The following RANBP2 variants were observed in gnomAD, a reference collection of about 807,000 sequenced individuals.
RANBP2 encodes the protein E3 SUMO-protein ligase RanBP2.
In RANBP2, 57 loss-of-function variants were observed where a neutral mutation model predicts 303.6. The ratio of observed to expected loss-of-function variants is 0.19; its 90% CI spans 0.15 to 0.23. The LOEUF is 0.23. Ranked by LOEUF, RANBP2 falls within the 10% of genes least tolerant of loss-of-function variation. RANBP2 has a pLI of 1.00. For synonymous variants in RANBP2, 1,167 were observed against 1,301.5 expected (o/e 0.90, Z 2.23); for missense variants, 3,138 against 3,780.8 (o/e 0.83, Z 4.46).
At chr2:109,435,386 T>C in the RANBP2 span, among the ~76,000 whole-genome samples, 627 of 152,346 alleles carry the variant, frequency 4.1e-3, 2 homozygotes, top group Non-Finnish European at 6.8e-3. Context: ...GCAGAAGGCT[T>C]ATCTGGCAGT....
At chr2:108,813,765 A>G in the RANBP2 span, among the ~76,000 whole-genome samples, 1 of 152,200 alleles carries the variant, frequency 6.6e-6, no homozygotes, top group African/African-American at 2.4e-5. Flanking sequence ...CCACTATCCT[A>G]GAAAGTTCTC....
chr2:108,908,967 GT>G, the RANBP2 span, among the ~76,000 whole-genome samples: 1 of 152,070 alleles, frequency 6.6e-6, no homozygotes, highest in Non-Finnish European at 1.5e-5. Context: ...ACCCATCCCT[GT>G]CCCCACTCGA....
At chr2:109,431,533 C>A in the RANBP2 span, among the ~76,000 whole-genome samples, 5 of 152,286 alleles carry the variant, frequency 3.3e-5, no homozygotes, top group Admixed American at 3.3e-4. Context: ...AGAGGCACAG[C>A]ATCTAAACCC....
chr2:109,072,408 A>C, the RANBP2 span, among the ~76,000 whole-genome samples: 76 of 152,252 alleles, frequency 5.0e-4, no homozygotes, highest in African/African-American at 1.8e-3. Context: ...CTCACCATGG[A>C]GTCCTGGATA....
chr2:109,454,580 G>C, the RANBP2 span, among the ~76,000 whole-genome samples: 3 of 152,178 alleles, frequency 2.0e-5, no homozygotes, highest in African/African-American at 4.8e-5. Flanking sequence ...GTTCCCCAAG[G>C]CTCTGGCCTG....
the RANBP2 span, among the ~76,000 whole-genome samples, chr2:109,103,258 T>C: frequency 6.6e-6 from 1 of 152,158 alleles, no homozygotes; most frequent in African/African-American, 2.4e-5. Context: ...CTCTGTAAAA[T>C]ATTTAAGGAG....
chr2:108,875,319 TAAA>T, the RANBP2 span, among the ~76,000 whole-genome samples: 84,863 of 118,500 alleles, frequency 0.72, 28,509 homozygotes, highest in Non-Finnish European at 0.78. Context: ...TAAAGTATAA[TAAA>T]AAAAAAAAAA....
At chr2:108,939,832 C>G in the RANBP2 span, among the ~76,000 whole-genome samples, 1 of 152,210 alleles carries the variant, frequency 6.6e-6, no homozygotes, top group Admixed American at 6.5e-5. Context: ...TACTTTCAGC[C>G]TGCCCTGCCT....
In RANBP2 at chr2:108,719,506, C is replaced by T. The variant is rs1342317863; in HGVS notation, c.-101C>T. 4 of 1,528,606 alleles carry T rather than the reference C, an allele frequency of 2.6e-6. No individual in the cohort carries two copies. Among genetic ancestry groups the T allele is most frequent in the South Asian group, 1.2e-5 (1 of 83,524 alleles). 94.7% of individuals were successfully genotyped at this position (1,528,606 alleles called of 1,614,324 possible). A position where few individuals can be genotyped will look rare whatever the true frequency, so the allele number is the denominator to read the frequency against. On this transcript the variant is annotated 5_prime_UTR_variant, in exon 1 of 29. Coordinates refer to ENST00000283195, the MANE Select transcript of RANBP2 (RefSeq NM_006267.5). The stretch of plus-strand genomic sequence containing the variant: ...CACAGTGGTCCTCCGCCGGCTACGG[C>T]GCTGCGTCACTGGTTTGCAGGCGCT...
intron 26 of RANBP2, among the ~76,000 whole-genome samples, chr2:108,781,754 A>C (rs1678270940): frequency 6.6e-6 from 1 of 152,150 alleles, no homozygotes; most frequent in Admixed American, 6.5e-5. Context: ...ATAAATGTTA[A>C]CCTTGTATGT....
the RANBP2 span, among the ~76,000 whole-genome samples, chr2:108,861,840 A>T: frequency 6.6e-6 from 1 of 151,998 alleles, no homozygotes; most frequent in Non-Finnish European, 1.5e-5. Context: ...CCCAGCCTAA[A>T]CTTTCTTCTT....
chr2:108,911,195 T>C, the RANBP2 span: 7 of 1,216,732 alleles, frequency 5.8e-6, no homozygotes, highest in East Asian at 2.4e-5. Flanking sequence ...AACCCTGAAA[T>C]CTGAGGTGCT....
chr2:109,419,771 C>A, the RANBP2 span: 1 of 780,626 alleles, frequency 1.3e-6, no homozygotes, highest in Non-Finnish European at 2.0e-6. Context: ...TAGTTATGTG[C>A]GTCTAATAAC....
chr2:109,695,706 C>T, the RANBP2 span, among the ~76,000 whole-genome samples: 59 of 152,192 alleles, frequency 3.9e-4, 1 homozygote, highest in Admixed American at 6.5e-4. Context: ...AATTGGAGCA[C>T]TGGCACCTGC....
At chr2:109,506,801 C>T in the RANBP2 span, among the ~76,000 whole-genome samples, 1 of 152,192 alleles carries the variant, frequency 6.6e-6, no homozygotes, top group Non-Finnish European at 1.5e-5. Context: ...TGACAGGGGG[C>T]TCTGCTGGTA....
the RANBP2 span, among the ~76,000 whole-genome samples, chr2:109,404,762 ACT>A: frequency 6.6e-6 from 1 of 151,552 alleles, no homozygotes; most frequent in Non-Finnish European, 1.5e-5. Context: ...GATGTGCTCG[ACT>A]CTCTGCAGTC....
At chr2:108,906,373 G>A in the RANBP2 span, 1 of 1,614,120 alleles carries the variant, frequency 6.2e-7, no homozygotes, top group South Asian at 1.1e-5. Context: ...TTGAATCTGT[G>A]AAAAAGAGTC....
At chr2:109,474,701 C>T in the RANBP2 span, among the ~76,000 whole-genome samples, 8 of 152,226 alleles carry the variant, frequency 5.3e-5, no homozygotes, top group African/African-American at 7.2e-5. Context: ...TCCAAAGCAT[C>T]GCAGATACTT....
At chr2:108,720,071 A>G (rs1454963567) in intron 1 of RANBP2, 2 of 983,128 alleles carry the variant, frequency 2.0e-6, no homozygotes, top group Admixed American at 6.2e-5. Context: ...CTGGACATAT[A>G]CTTTATATGC....
Sources: allele counts gnomAD v4.1 joint callset (sites outside exome capture counted in the v4.1 genomes callset), GRCh38; gene constraint gnomAD v4.1.1; transcripts MANE v1.5; gene names NCBI Gene and HGNC (gene_info 2026-07-23, HGNC 2026-07-21).